IPO11: variants seen among roughly 807,000 people sequenced by gnomAD.
IPO11 encodes importin 11, also known as importin-11.
Under a neutral mutation model 143.2 loss-of-function variants are expected in IPO11, and 66 were observed. The observed-to-expected ratio is 0.46, with a 90% CI of 0.38 to 0.57. IPO11 has a LOEUF of 0.57. Among genes scored for constraint, IPO11 ranks in the 20% least tolerant of loss-of-function variants. The pLI is 0.00. For missense variants in IPO11, 1,026 were observed against 1,141.0 expected (o/e 0.90, Z 1.45); for synonymous variants, 385 against 377.8 (o/e 1.02, Z -0.22).
intron 11 of IPO11, 104 bp downstream of exon 11, chr5:62,484,266 C>A: frequency 1.1e-6 from 1 of 928,748 alleles, no homozygotes; most frequent in East Asian, 3.0e-5. Context: ...CACTTTTGAT[C>A]TGGAAATCTT....
At chr5:62,437,516 A>T in intron 2 of IPO11, 99 bp downstream of exon 2, 1 of 1,055,666 alleles carries the variant, frequency 9.5e-7, no homozygotes, top group South Asian at 1.8e-5. Flanking sequence ...AGTGAAATAG[A>T]TTCAGATGTT....
chr5:62,533,789 C>T (rs1050860643), intron 22 of IPO11, among the ~76,000 whole-genome samples: 4 of 151,928 alleles, frequency 2.6e-5, no homozygotes, highest in Non-Finnish European at 4.4e-5. Context: ...AGCAAGACCC[C>T]ATGTCTACAA....
intron 1 of IPO11, among the ~76,000 whole-genome samples, chr5:62,424,822 T>C (rs1463424958): frequency 6.6e-6 from 1 of 152,148 alleles, no homozygotes; most frequent in Non-Finnish European, 1.5e-5. Flanking sequence ...CTGTCACTCT[T>C]GTCTGTTCTT....
At chr5:62,557,373 G>A (rs1381795588) in intron 26 of IPO11, among the ~76,000 whole-genome samples, 1 of 152,124 alleles carries the variant, frequency 6.6e-6, no homozygotes, top group Non-Finnish European at 1.5e-5. Context: ...AGTAGAGACA[G>A]CGTTTCTCCA....
At chr5:62,584,682 ATT>A (rs573914742) in intron 27 of IPO11, among the ~76,000 whole-genome samples, 140 of 142,550 alleles carry the variant, frequency 9.8e-4, no homozygotes, top group African/African-American at 3.4e-3. Flanking sequence ...GGTAATAGGC[ATT>A]TTTTTTTTCT....
chr5:62,584,230 A>G (rs918260729), intron 27 of IPO11, among the ~76,000 whole-genome samples: 5 of 152,092 alleles, frequency 3.3e-5, no homozygotes, highest in African/African-American at 1.2e-4. Context: ...TCAGTGGAGT[A>G]GATACGTTTG....
chr5:62,545,535 A>G (rs1445860357), intron 24 of IPO11, among the ~76,000 whole-genome samples: 1 of 152,256 alleles, frequency 6.6e-6, no homozygotes, highest in Non-Finnish European at 1.5e-5. Flanking sequence ...GGACATAGGC[A>G]TGGGCAGGGA....
At chr5:62,590,901 G>A (rs1744985905) in intron 27 of IPO11, among the ~76,000 whole-genome samples, 1 of 151,688 alleles carries the variant, frequency 6.6e-6, no homozygotes, top group African/African-American at 2.4e-5. Context: ...TCATGTTTTT[G>A]CCTTTTTAAA....
Position 62,481,115 on chromosome 5 carries a change from TCA to T in IPO11, c.829-1984_829-1983del, listed in dbSNP as rs1253542662. ...TTGTATTTTTAGTAGAGACAGGGTT[TCA>T]CCGTGTTAGCCAGGATGGTCTCGAT... On this transcript the variant is annotated intron_variant, in intron 9 of 29. Transcript: ENST00000325324. Among the ~76,000 whole-genome samples the T allele has an allele frequency of 2.0e-5, 3 of 152,120 alleles. No individual in the cohort carries two copies. In the East Asian group the frequency reaches 5.8e-4, roughly 29 times the overall value.
At chr5:62,415,811 G>C (rs779481437) in intron 1 of IPO11, among the ~76,000 whole-genome samples, 1 of 152,056 alleles carries the variant, frequency 6.6e-6, no homozygotes, top group Non-Finnish European at 1.5e-5. Context: ...CTGCTTCATA[G>C]AGGAAATGAA....
At chr5:62,447,109 A>AT (rs1290255305) in intron 3 of IPO11, among the ~76,000 whole-genome samples, 10 of 149,272 alleles carry the variant, frequency 6.7e-5, no homozygotes, top group African/African-American at 2.3e-4. Context: ...TTATATATAT[A>AT]TATTTTTTTT....
intron 28 of IPO11, among the ~76,000 whole-genome samples, chr5:62,594,093 T>A (rs1745129195): frequency 6.6e-6 from 1 of 152,166 alleles, no homozygotes; most frequent in Non-Finnish European, 1.5e-5. Context: ...CTTAACTGAG[T>A]GAATTGGAAA....
chr5:62,626,427 C>T (rs961193190), intron 29 of IPO11, among the ~76,000 whole-genome samples: 2 of 152,072 alleles, frequency 1.3e-5, no homozygotes, highest in African/African-American at 4.8e-5. Context: ...TAGATTTTAC[C>T]AGTTTTTCCG....
chr5:62,583,097 A>C (rs1398694187), intron 27 of IPO11, among the ~76,000 whole-genome samples: 1 of 152,180 alleles, frequency 6.6e-6, no homozygotes, highest in Non-Finnish European at 1.5e-5. Flanking sequence ...TATTTTTCCT[A>C]AGTAATTTGT....
intron 3 of IPO11, among the ~76,000 whole-genome samples, chr5:62,446,767 G>A (rs1426561813): frequency 2.0e-5 from 3 of 152,046 alleles, no homozygotes; most frequent in Non-Finnish European, 4.4e-5. Context: ...TCAGGAGTTC[G>A]AGACCAGCCT....
intron 19 of IPO11, among the ~76,000 whole-genome samples, chr5:62,506,739 A>G (rs2112265863): frequency 6.6e-6 from 1 of 152,264 alleles, no homozygotes; most frequent in Admixed American, 6.5e-5. Context: ...TCTGGTCTGC[A>G]TTATATTTAC....
intron 5 of IPO11, among the ~76,000 whole-genome samples, chr5:62,456,870 G>C (rs1745179539): frequency 6.6e-6 from 1 of 152,100 alleles, no homozygotes; most frequent in Non-Finnish European, 1.5e-5. Context: ...GAGGCGGGTG[G>C]ATCATGAGGT....
chr5:62,418,163 G>GTTT (rs11334760), intron 1 of IPO11, among the ~76,000 whole-genome samples: 1 of 144,356 alleles, frequency 6.9e-6, no homozygotes, highest in Non-Finnish European at 1.5e-5. Flanking sequence ...CGCCTGCCTA[G>GTTT]TTTTTTTTTT....
intron 5 of IPO11, among the ~76,000 whole-genome samples, chr5:62,455,859 G>C (rs1745128477): frequency 6.6e-6 from 1 of 151,864 alleles, no homozygotes; most frequent in African/African-American, 2.4e-5. Context: ...TGAGTAGCTA[G>C]GATTACAGAC....
Sources: gnomAD v4.1 joint callset for allele counts (sites outside exome capture counted in the v4.1 genomes callset) on GRCh38, gnomAD v4.1.1 for gene constraint, MANE v1.5 for transcripts, NCBI Gene and HGNC (gene_info 2026-07-23, HGNC 2026-07-21) for gene names.